ZNF148: variants seen among roughly 807,000 people sequenced by gnomAD.
ZNF148 encodes the protein zinc finger protein 148, also known as Beta-Enolase Repressor Factor-1.
In ZNF148, 7 loss-of-function variants were observed where a neutral mutation model predicts 67.7. That is an observed-to-expected ratio of 0.10 (90% CI 0.06 to 0.19). The LOEUF (loss-of-function observed/expected upper bound fraction) is 0.19, where lower values mean the gene tolerates loss of function less well. ZNF148 is among the 10% of genes least tolerant of loss of function. ZNF148 has a pLI of 1.00. For synonymous variants in ZNF148, 333 were observed against 330.7 expected (o/e 1.01, Z -0.08); for missense variants, 583 against 947.1 (o/e 0.62, Z 5.05).
chr3:125,316,618 T>C (rs1408129043), intron 3 of ZNF148, among the ~76,000 whole-genome samples: 1 of 152,240 alleles, frequency 6.6e-6, no homozygotes, highest in Non-Finnish European at 1.5e-5. Context: ...CACCTTTTCA[T>C]ATGCCTGTCT....
At chr3:125,268,237 C>CA (rs58334196) in intron 7 of ZNF148, among the ~76,000 whole-genome samples, 41,599 of 136,548 alleles carry the variant, frequency 0.3, 6,545 homozygotes, top group East Asian at 0.46. Flanking sequence ...TATATAGAAC[C>CA]AAAAAAAAAA....
intron 7 of ZNF148, among the ~76,000 whole-genome samples, chr3:125,253,747 G>A (rs190376711): frequency 1.3e-5 from 2 of 152,236 alleles, no homozygotes; most frequent in Non-Finnish European, 2.9e-5. Flanking sequence ...TATTAAGCCA[G>A]TTTTGATACT....
At chr3:125,270,786 G>A (rs564286677) in intron 7 of ZNF148, among the ~76,000 whole-genome samples, 18 of 152,304 alleles carry the variant, frequency 1.2e-4, no homozygotes, top group Admixed American at 9.8e-4. Context: ...TAAGGCAGGA[G>A]GATTGCTTGA....
chr3:125,313,733 G>A (rs1245959078), intron 3 of ZNF148, 77 bp from the exon 4 acceptor site: 1 of 1,155,572 alleles, frequency 8.7e-7, no homozygotes, highest in Non-Finnish European at 1.2e-6. Flanking sequence ...TTCAAATTAA[G>A]AATTTGAACA....
At position 125,232,746 on chromosome 3, in the gene ZNF148, T is replaced by A; in HGVS notation, c.1980A>T (p.Arg660=). ...TTCTTAGTGGAGAATTCATTCCTGA[T>A]CGAAAGCTATTGATGGGCATGGTGG... ...VYATMPINSF[R]SGMNSPLRTT... Residue 660 remains arginine (R), a synonymous_variant, in exon 9 of 9, where the codon CGA becomes CGT. Coordinates refer to ENST00000360647, the MANE Select transcript of ZNF148 (RefSeq NM_021964.3). This position sits in a 1 kb window ranked among gnomAD's most constrained non-coding sequence, Gnocchi z 4.2. 1.2e-6 allele frequency: 2 copies of A among 1,613,856 alleles called. No homozygotes were observed. The highest frequency in any genetic ancestry group is 1.7e-6 in the Non-Finnish European group (2 of 1,179,826).
chr3:125,254,882 T>C (rs1937004338), intron 7 of ZNF148, among the ~76,000 whole-genome samples: 1 of 152,238 alleles, frequency 6.6e-6, no homozygotes. Flanking sequence ...TGTTTTCTGT[T>C]TGTCCCATCT....
intron 1 of ZNF148, among the ~76,000 whole-genome samples, chr3:125,336,394 G>GT (rs1339389093): frequency 1.3e-5 from 2 of 152,092 alleles, no homozygotes; most frequent in African/African-American, 4.8e-5. Context: ...TCTGAATGAT[G>GT]TTTTAAAAAG....
chr3:125,266,588 G>C (rs574201252), intron 7 of ZNF148, among the ~76,000 whole-genome samples: 6 of 152,224 alleles, frequency 3.9e-5, no homozygotes, highest in African/African-American at 1.4e-4. Context: ...TAAGAGGAAA[G>C]TTTATAGCAC....
chr3:125,302,735 C>T (rs1939661481), intron 4 of ZNF148, among the ~76,000 whole-genome samples: 2 of 152,140 alleles, frequency 1.3e-5, no homozygotes, highest in African/African-American at 4.8e-5. Flanking sequence ...TCAAAATATA[C>T]TGTTAAGTGA....
intron 1 of ZNF148, among the ~76,000 whole-genome samples, chr3:125,359,415 C>T (rs1316261409): frequency 2.6e-5 from 4 of 152,216 alleles, no homozygotes. Context: ...CTCTCTCTCT[C>T]TCTGAAACAT....
At chr3:125,350,299 T>C (rs997985749) in intron 1 of ZNF148, among the ~76,000 whole-genome samples, 3 of 152,102 alleles carry the variant, frequency 2.0e-5, no homozygotes, top group Non-Finnish European at 2.9e-5. Context: ...TAGCTGAGAC[T>C]ACAGGCATGT....
intron 7 of ZNF148, among the ~76,000 whole-genome samples, chr3:125,240,885 G>C (rs1400758892): frequency 1.3e-5 from 2 of 151,712 alleles, no homozygotes; most frequent in Non-Finnish European, 2.9e-5. Flanking sequence ...CAACTAAATA[G>C]AGCAATTATG....
At chr3:125,360,958 G>A (rs1441514309) in intron 1 of ZNF148, among the ~76,000 whole-genome samples, 1 of 151,796 alleles carries the variant, frequency 6.6e-6, no homozygotes, top group East Asian at 1.9e-4. Context: ...CTTGAGCCCA[G>A]GAGGCAAGGC....
chr3:125,302,408 A>G (rs892200416), intron 4 of ZNF148, among the ~76,000 whole-genome samples: 2 of 152,136 alleles, frequency 1.3e-5, no homozygotes, highest in East Asian at 1.9e-4. Flanking sequence ...GAAAAGAAAA[A>G]AAAAGTACAT....
intron 7 of ZNF148, among the ~76,000 whole-genome samples, chr3:125,265,743 T>C (rs1259863619): frequency 6.6e-6 from 1 of 152,200 alleles, no homozygotes; most frequent in Non-Finnish European, 1.5e-5. Flanking sequence ...ATTTTTAAGG[T>C]AGAGTTCCTC....
At chr3:125,362,840 C>A (rs1000167888) in intron 1 of ZNF148, among the ~76,000 whole-genome samples, 3 of 152,164 alleles carry the variant, frequency 2.0e-5, no homozygotes, top group African/African-American at 7.2e-5. Context: ...CAGGTATGAG[C>A]TACCATGCTT....
At chr3:125,342,718 C>T (rs189369515) in intron 1 of ZNF148, among the ~76,000 whole-genome samples, 22 of 151,748 alleles carry the variant, frequency 1.4e-4, no homozygotes, top group African/African-American at 4.8e-4. Flanking sequence ...ACAGAAAGAA[C>T]GGAAATATAG....
chr3:125,355,240 C>T (rs1275883595), intron 1 of ZNF148, among the ~76,000 whole-genome samples: 1 of 152,140 alleles, frequency 6.6e-6, no homozygotes, highest in Non-Finnish European at 1.5e-5. Context: ...AATTAGATTA[C>T]AAATAACTTT....
chr3:125,298,678 G>C (rs562816525), intron 4 of ZNF148, among the ~76,000 whole-genome samples: 2 of 135,556 alleles, frequency 1.5e-5, no homozygotes, highest in African/African-American at 2.9e-5. Context: ...AGGCTGGAGT[G>C]CAGTGGCGTG....
Sources: allele counts gnomAD v4.1 joint callset (sites outside exome capture counted in the v4.1 genomes callset), GRCh38; gene constraint gnomAD v4.1.1; non-coding constraint Gnocchi (gnomAD v3.1); transcripts MANE v1.5; gene names NCBI Gene and HGNC (gene_info 2026-07-23, HGNC 2026-07-21).